The following ERI1 variants were observed in gnomAD, a reference collection of about 807,000 sequenced individuals.
ERI1 encodes the protein exoribonuclease 1.
In ERI1, 39 loss-of-function variants were observed where a neutral mutation model predicts 39.7. The ratio of observed to expected loss-of-function variants is 0.98; its 90% confidence interval spans 0.76 to 1.28. ERI1 has a LOEUF of 1.28. ERI1 is among the 50% of genes most tolerant of loss of function. The pLI is 0.00. For missense variants in ERI1, 581 were observed against 416.9 expected (o/e 1.39, Z -3.43); for synonymous variants, 204 against 149.6 (o/e 1.36, Z -2.65).
At position 9,060,403 on chromosome 8, in the gene ERI1, G is replaced by A. The variant is rs140450568; in HGVS notation, n.299+39939G>A. Among the ~76,000 whole-genome samples, 350 of 152,200 alleles carry A rather than the reference G, an allele frequency of 2.3e-3. 11 individuals are homozygous for A. In the East Asian group the frequency reaches 0.048, roughly 21 times the overall value. ...GTAAAGCCAATTTGCCAATCCTGGTGGGGGGCGGGGGCAAATCTCCAAGCT... is the reference window on the plus strand; with the variant it reads ...GTAAAGCCAATTTGCCAATCCTGGTAGGGGGCGGGGGCAAATCTCCAAGCT... On this transcript the variant is annotated intron_variant and non_coding_transcript_variant, in intron 3 of 3. Coordinates refer to the ERI1 transcript ENST00000518663.
At chr8:9,061,330 C>A (rs563762979) in intron 3 of ERI1, among the ~76,000 whole-genome samples, 1 of 152,078 alleles carries the variant, frequency 6.6e-6, no homozygotes, top group Non-Finnish European at 1.5e-5. Context: ...AGATTGAAGT[C>A]CGGGCCAGGA....
intron 3 of ERI1, among the ~76,000 whole-genome samples, chr8:9,071,649 C>T (rs1171988365): frequency 6.6e-6 from 1 of 152,224 alleles, no homozygotes; most frequent in Non-Finnish European, 1.5e-5. Flanking sequence ...GGGAGAAGTC[C>T]TCCCCTGTGG....
At position 9,030,000 on chromosome 8, in the gene ERI1, C is replaced by T. The variant is rs1179270376; in HGVS notation, c.1016C>T (p.Thr339Ile). 1 of 1,611,356 alleles carries T rather than the reference C, an allele frequency of 6.2e-7. No homozygotes were observed. The highest frequency in any genetic ancestry group is 1.3e-5 in the African/African-American group (1 of 74,846). Reference sequence around the variant, plus strand: ...TCCTCTTCCTTACCAATAGAGGGCACTCCACCACCACAAATGCCACATTTT... The same window carrying T: ...TCCTCTTCCTTACCAATAGAGGGCATTCCACCACCACAAATGCCACATTTT... ...SVSSSLPIEG[T>I]PPPQMPHFRK is the part of the protein sequence containing the mutation. The change falls in exon 7 of 7, where the codon ACT (threonine) becomes ATT (isoleucine). Residue 339 changes from threonine to isoleucine, a missense_variant. Physicochemically the swap from Thr to Ile is moderately conservative, Grantham distance 89. Transcript: ENST00000250263.
chr8:9,011,461 A>C (rs968125806), intron 2 of ERI1, 81 bp from the exon 3 acceptor site: 6 of 867,906 alleles, frequency 6.9e-6, no homozygotes, highest in Non-Finnish European at 1.0e-5. Context: ...GTCAGTGTTC[A>C]GCCCAGTGCC....
At chr8:9,080,979 T>G (rs1184137621) in intron 3 of ERI1, among the ~76,000 whole-genome samples, 1 of 152,220 alleles carries the variant, frequency 6.6e-6, no homozygotes, top group Non-Finnish European at 1.5e-5. Context: ...GGGTAATTTA[T>G]AAACAAAAAA....
chr8:9,032,846 T>A lies in ERI1; in HGVS notation c.*2812T>A, dbSNP rs1343416732. 1.3e-5 allele frequency: 2 copies of A among 152,192 alleles called. No homozygotes were observed. The highest frequency in any genetic ancestry group is 4.8e-5 in the African/African-American group (2 of 41,450). 9.4% of individuals were successfully genotyped at this position (152,192 alleles called of 1,614,324 possible). ...GTAGTTGCCAAAGAAACTACCTGCC[T>A]CACAGATGAGCACGCACGGGTGCAT... On this transcript the variant is annotated 3_prime_UTR_variant, in exon 7 of 7. Transcript: ENST00000250263.
chr8:9,067,164 A>G (rs1180369914), intron 3 of ERI1, among the ~76,000 whole-genome samples: 1 of 152,290 alleles, frequency 6.6e-6, no homozygotes, highest in East Asian at 1.9e-4. Context: ...ACCTATACAA[A>G]TATAAGCCCC....
intron 6 of ERI1, among the ~76,000 whole-genome samples, chr8:9,028,460 G>T (rs150227847): frequency 2.3e-3 from 351 of 152,254 alleles, no homozygotes; most frequent in African/African-American, 7.9e-3. Flanking sequence ...TACATCATTT[G>T]CTTTGTGATT....
At chr8:9,045,755 C>A (rs1435552954) in intron 3 of ERI1, among the ~76,000 whole-genome samples, 1 of 150,280 alleles carries the variant, frequency 6.7e-6, no homozygotes, top group Non-Finnish European at 1.5e-5. Flanking sequence ...CGGCTCACTG[C>A]GACCTCCACC....
At chr8:9,059,896 A>T (rs1304661293) in intron 3 of ERI1, among the ~76,000 whole-genome samples, 1 of 152,196 alleles carries the variant, frequency 6.6e-6, no homozygotes, top group Non-Finnish European at 1.5e-5. Context: ...TCTGGGGCAC[A>T]GTCCAAGTTG....
At chr8:9,043,429 G>A (rs1293854046) in intron 3 of ERI1, among the ~76,000 whole-genome samples, 1 of 152,162 alleles carries the variant, frequency 6.6e-6, no homozygotes, top group African/African-American at 2.4e-5. Flanking sequence ...AGCATGTAGA[G>A]GCCAGGCCTA....
chr8:9,034,282 A>G (rs917434698), downstream of ERI1, among the ~76,000 whole-genome samples: 2 of 152,258 alleles, frequency 1.3e-5, no homozygotes, highest in Non-Finnish European at 2.9e-5. Context: ...ATACTGCTCA[A>G]TCATTGTGGA....
At chr8:9,007,673 T>G (rs189954965) in intron 1 of ERI1, among the ~76,000 whole-genome samples, 1 of 152,286 alleles carries the variant, frequency 6.6e-6, no homozygotes, top group Admixed American at 6.5e-5. Flanking sequence ...TAGTAAATAG[T>G]CAGCTGGGGT....
At chr8:9,022,041 G>A (rs749234235) in intron 6 of ERI1, among the ~76,000 whole-genome samples, 4 of 151,920 alleles carry the variant, frequency 2.6e-5, no homozygotes, top group African/African-American at 9.7e-5. Context: ...CATGGGATAT[G>A]TACATCATTG....
intron 3 of ERI1, chr8:9,088,657 G>T (rs934558676): frequency 2.6e-5 from 4 of 152,266 alleles, no homozygotes; most frequent in African/African-American, 9.6e-5. Flanking sequence ...CATTCAGCCA[G>T]TGCAAGTTGT....
intron 3 of ERI1, among the ~76,000 whole-genome samples, chr8:9,074,701 C>T (rs1331871063): frequency 6.6e-6 from 1 of 152,172 alleles, no homozygotes; most frequent in Non-Finnish European, 1.5e-5. Flanking sequence ...TCCAAAGTTG[C>T]TGGGGTTACA....
chr8:9,031,684 T>A lies in ERI1; in HGVS notation c.*1650T>A, dbSNP rs1797600503. The A allele has an allele frequency of 6.6e-6, 1 of 152,234 alleles. No homozygotes were observed. Among genetic ancestry groups the A allele is most frequent in the Non-Finnish European group, 1.5e-5 (1 of 68,036 alleles). The allele number at this position is 152,234 out of a possible 1,614,324, so 9.4% of individuals were successfully genotyped here. A position where few individuals can be genotyped will look rare whatever the true frequency, so the allele number is the denominator to read the frequency against. On this transcript the variant is annotated 3_prime_UTR_variant, in exon 7 of 7. Coordinates refer to ENST00000250263, the MANE Select transcript of ERI1 (RefSeq NM_153332.4). Reference sequence around the variant, plus strand: ...CTAATTTCTTTGCCTGTTTTCACTTTCGCCAAGTACCAACAAGCTCATGTT... The same window carrying A: ...CTAATTTCTTTGCCTGTTTTCACTTACGCCAAGTACCAACAAGCTCATGTT...
At chr8:9,073,437 C>A (rs75440447) in intron 3 of ERI1, among the ~76,000 whole-genome samples, 2 of 151,940 alleles carry the variant, frequency 1.3e-5, no homozygotes, top group Non-Finnish European at 2.9e-5. Flanking sequence ...GGGAGGTTAC[C>A]GATGGACAGG....
chr8:9,085,172 G>C (rs1008605720), intron 3 of ERI1, among the ~76,000 whole-genome samples: 11 of 152,028 alleles, frequency 7.2e-5, no homozygotes, highest in Admixed American at 2.0e-4. Context: ...TGTGCCCACC[G>C]CTTTTTTTGT....
Sources: gnomAD v4.1 joint callset for allele counts (sites outside exome capture counted in the v4.1 genomes callset) on GRCh38, gnomAD v4.1.1 for gene constraint, MANE v1.5 for transcripts, NCBI Gene and HGNC (gene_info 2026-07-23, HGNC 2026-07-21) for gene names.